Variants in RHBDD1 observed in about 807,000 individuals in gnomAD.
The protein encoded by RHBDD1 is rhomboid-related protein 4.
A neutral mutation model predicts 36.3 loss-of-function variants in RHBDD1; 38 were observed. That is an observed-to-expected ratio of 1.05 (90% CI 0.81 to 1.37). The LOEUF is 1.37. RHBDD1 is among the 40% of genes most tolerant of loss of function. The pLI is 0.00. For missense variants in RHBDD1, 393 were observed against 377.6 expected, an observed-to-expected ratio of 1.04 and a Z score of -0.34; for synonymous variants, 151 against 136.5, an observed-to-expected ratio of 1.11 and a Z score of -0.74.
chr2:226,866,115 GC>G (rs11361914), intron 4 of RHBDD1, among the ~76,000 whole-genome samples: 152,344 of 152,344 alleles, frequency 1, 76,172 homozygotes, highest in Non-Finnish European at 1. Context: ...CTGGCACCAG[GC>G]CTGAAGGGCA....
chr2:226,901,773 C>CTATATA (rs2125594353), intron 5 of RHBDD1, among the ~76,000 whole-genome samples: 1 of 152,260 alleles, frequency 6.6e-6, no homozygotes, highest in South Asian at 2.1e-4. Context: ...ATGTAAAGAA[C>CTATATA]TATAGCTCAT....
intron 5 of RHBDD1, among the ~76,000 whole-genome samples, chr2:226,878,311 G>T (rs967989881): frequency 7.9e-5 from 12 of 151,256 alleles, no homozygotes; most frequent in Non-Finnish European, 1.2e-4. Context: ...GTAGAAAGGA[G>T]AATGGCTAAT....
chr2:226,862,638 C>T (rs1319865014), intron 3 of RHBDD1, among the ~76,000 whole-genome samples: 1 of 152,232 alleles, frequency 6.6e-6, no homozygotes, highest in Non-Finnish European at 1.5e-5. Flanking sequence ...GCCTGCATCT[C>T]TTCCCTTACT....
chr2:226,868,665 T>C (rs1361894954), intron 5 of RHBDD1, among the ~76,000 whole-genome samples: 1 of 152,196 alleles, frequency 6.6e-6, no homozygotes, highest in African/African-American at 2.4e-5. Context: ...CTGGGTGTCT[T>C]ACCTTATTTG....
At chr2:226,918,622 C>T (rs1055557754) in intron 8 of RHBDD1, among the ~76,000 whole-genome samples, 4 of 151,948 alleles carry the variant, frequency 2.6e-5, no homozygotes, top group African/African-American at 4.8e-5. Flanking sequence ...GTTCCATCTA[C>T]GTTGTTGCAA....
At chr2:226,919,717 T>A (rs1949171467) in intron 8 of RHBDD1, among the ~76,000 whole-genome samples, 1 of 152,156 alleles carries the variant, frequency 6.6e-6, no homozygotes, top group African/African-American at 2.4e-5. Flanking sequence ...GGTCTTTTGG[T>A]TATTATAGCT....
chr2:226,881,671 T>TGTTTA lies in RHBDD1; in HGVS notation c.566+14354_566+14358dup, dbSNP rs545273818. On this transcript the variant is annotated intron_variant, in intron 5 of 8. Transcript: ENST00000392062. ...TACACACTGTCGCTGACTTTCTGTA[T>TGTTTA]GTTTATTCTAGTTGATAGGTCATCA... 2.1e-3 allele frequency among the ~76,000 whole-genome samples: 314 copies of TGTTTA among 152,352 alleles called. 4 individuals are homozygous for TGTTTA. The highest frequency in any genetic ancestry group is 7.2e-3 in the African/African-American group (301 of 41,580).
chr2:226,826,366 G>A, the RHBDD1 span, among the ~76,000 whole-genome samples: 3 of 152,124 alleles, frequency 2.0e-5, no homozygotes, highest in Non-Finnish European at 4.4e-5. Flanking sequence ...GTTGATTAGT[G>A]AAAATTGATA....
chr2:226,883,855 A>T (rs1945988497), intron 5 of RHBDD1, among the ~76,000 whole-genome samples: 1 of 152,246 alleles, frequency 6.6e-6, no homozygotes, highest in Admixed American at 6.5e-5. Flanking sequence ...ACTGTATTTT[A>T]CAGGAAAAGG....
At chr2:226,835,019 G>A (rs929002121), upstream of RHBDD1, among the ~76,000 whole-genome samples, 6 of 152,038 alleles carry the variant, frequency 3.9e-5, no homozygotes, top group Non-Finnish European at 7.4e-5. Context: ...CCGGTGATCC[G>A]CCCGCCTTAG....
At chr2:226,942,529 G>A (rs1421974421) in intron 8 of RHBDD1, 3 of 370,138 alleles carry the variant, frequency 8.1e-6, no homozygotes, top group Admixed American at 3.3e-5. Context: ...GTGAGCCACC[G>A]TGCCCAGCCG....
At chr2:226,920,223 C>G (rs1393806431) in intron 8 of RHBDD1, among the ~76,000 whole-genome samples, 1 of 151,960 alleles carries the variant, frequency 6.6e-6, no homozygotes, top group Non-Finnish European at 1.5e-5. Context: ...TGAAATGCTG[C>G]TGACTTTTGT....
chr2:226,882,123 A>G (rs1244395605), intron 5 of RHBDD1, among the ~76,000 whole-genome samples: 1 of 152,202 alleles, frequency 6.6e-6, no homozygotes, highest in Non-Finnish European at 1.5e-5. Flanking sequence ...AAAGTGTTTT[A>G]TACTGAAAAT....
chr2:226,846,025 T>C (rs1435913618), intron 3 of RHBDD1, among the ~76,000 whole-genome samples: 1 of 152,254 alleles, frequency 6.6e-6, no homozygotes, highest in African/African-American at 2.4e-5. Context: ...TTGAGCTGCA[T>C]GTGCTGTCAG....
At chr2:226,904,447 C>G (rs1947875310) in intron 5 of RHBDD1, among the ~76,000 whole-genome samples, 1 of 141,418 alleles carries the variant, frequency 7.1e-6, no homozygotes, top group African/African-American at 2.7e-5. Flanking sequence ...ACTCCTGTTT[C>G]AGTAGATATA....
chr2:226,925,255 A>AG (rs1949588255), intron 8 of RHBDD1, among the ~76,000 whole-genome samples: 1 of 152,228 alleles, frequency 6.6e-6, no homozygotes, highest in Admixed American at 6.5e-5. Context: ...AATAATAGAG[A>AG]GATGGTCCAA....
chr2:226,826,953 T>C, the RHBDD1 span, among the ~76,000 whole-genome samples: 1 of 152,120 alleles, frequency 6.6e-6, no homozygotes, highest in South Asian at 2.1e-4. Context: ...ATAGATTACA[T>C]TTAAAAAATT....
chr2:226,840,690 T>C (rs964379334), intron 3 of RHBDD1, among the ~76,000 whole-genome samples: 1 of 152,238 alleles, frequency 6.6e-6, no homozygotes, highest in Non-Finnish European at 1.5e-5. Context: ...AGGAATGTTG[T>C]CATTACACCA....
intron 8 of RHBDD1, among the ~76,000 whole-genome samples, chr2:226,983,224 A>G (rs1956177965): frequency 6.6e-6 from 1 of 152,122 alleles, no homozygotes; most frequent in South Asian, 2.1e-4. Context: ...ATTGATCTGG[A>G]ATCTTCCATT....
Sources: gnomAD v4.1 joint callset for allele counts (sites outside exome capture counted in the v4.1 genomes callset) on GRCh38, gnomAD v4.1.1 for gene constraint, MANE v1.5 for transcripts, NCBI Gene and HGNC (gene_info 2026-07-23, HGNC 2026-07-21) for gene names.